The following HPSE2 variants were observed in gnomAD, a reference collection of about 807,000 sequenced individuals.
HPSE2 encodes inactive heparanase-2.
In HPSE2, 38 loss-of-function variants were observed where a neutral mutation model predicts 60.5. That is an observed-to-expected ratio of 0.63 (90% CI 0.48 to 0.82). HPSE2 has a LOEUF of 0.82. Among genes scored for constraint, HPSE2 ranks in the 40% least tolerant of loss-of-function variants. The probability of loss-of-function intolerance (pLI) is 0.00; values close to 1 mark genes in which losing one functional copy is unlikely to be tolerated. For missense variants in HPSE2, 713 were observed against 740.4 expected (o/e 0.96, Z 0.43); for synonymous variants, 295 against 293.2 (o/e 1.01, Z -0.06).
chr10:99,235,895 CCCT>C (rs1849827080), upstream of HPSE2: 1 of 1,023,416 alleles, frequency 9.8e-7, no homozygotes, highest in African/African-American at 1.6e-5. Context: ...CCTTTTTCCC[CCCT>C]TTTTTTCCCT....
At chr10:98,861,137 TTGCTATTCAAAGTGAGTCA>T (rs1952449864) in intron 3 of HPSE2, among the ~76,000 whole-genome samples, 1 of 152,328 alleles carries the variant, frequency 6.6e-6, no homozygotes, top group African/African-American at 2.4e-5. Context: ...TTGGTTTTAT[TTGCTATTCAAAGTGAGTCA>T]TAACCAAGAC....
At chr10:98,922,178 T>C (rs1203792342) in intron 3 of HPSE2, among the ~76,000 whole-genome samples, 5 of 152,256 alleles carry the variant, frequency 3.3e-5, no homozygotes, top group African/African-American at 1.2e-4. Context: ...TAATATTTTA[T>C]ACTGTTTTCA....
intron 4 of HPSE2, among the ~76,000 whole-genome samples, chr10:98,725,253 A>G (rs1413141123): frequency 5.9e-5 from 9 of 152,334 alleles, no homozygotes; most frequent in Admixed American, 1.3e-4. Flanking sequence ...ACTAGGCTAC[A>G]GTAACCAAAA....
the HPSE2 span, among the ~76,000 whole-genome samples, chr10:99,298,577 C>A: frequency 1.3e-5 from 2 of 152,080 alleles, no homozygotes; most frequent in Non-Finnish European, 2.9e-5. Context: ...ACAAATCTGG[C>A]CTAGATATGG....
intron 9 of HPSE2, among the ~76,000 whole-genome samples, chr10:98,614,667 A>G (rs1945853255): frequency 6.6e-6 from 1 of 152,160 alleles, no homozygotes; most frequent in Admixed American, 6.5e-5. Flanking sequence ...CTGCACATAC[A>G]TATGTATGTG....
At chr10:98,542,025 GTCCC>G (rs1564952749) in intron 9 of HPSE2, among the ~76,000 whole-genome samples, 488 of 46,068 alleles carry the variant, frequency 0.011, 2 homozygotes, top group Non-Finnish European at 0.023. Context: ...CCTCAAGTGG[GTCCC>G]TGACCCCTGA....
chr10:98,598,321 GGGT>G (rs1352993571), intron 9 of HPSE2, among the ~76,000 whole-genome samples: 1 of 146,792 alleles, frequency 6.8e-6, no homozygotes, highest in African/African-American at 2.5e-5. Flanking sequence ...CCTGGTGCCT[GGGT>G]CAGGTTAGCA....
At chr10:99,112,384 C>A (rs569556864) in intron 3 of HPSE2, among the ~76,000 whole-genome samples, 1 of 152,100 alleles carries the variant, frequency 6.6e-6, no homozygotes, top group South Asian at 2.1e-4. Context: ...GGACTACAGG[C>A]GCCTGCCACC....
chr10:99,166,793 G>A (rs1847095894), intron 2 of HPSE2, among the ~76,000 whole-genome samples: 1 of 150,172 alleles, frequency 6.7e-6, no homozygotes, highest in Non-Finnish European at 1.5e-5. Flanking sequence ...TTCCTTCCAA[G>A]CCGAGATTGC....
the HPSE2 span, among the ~76,000 whole-genome samples, chr10:99,272,278 A>AAG: frequency 6.6e-6 from 1 of 151,776 alleles, no homozygotes; most frequent in East Asian, 1.9e-4. Context: ...TCAAAAAAAA[A>AAG]AAAAAATCAA....
At chr10:98,912,249 G>T (rs1384156672) in intron 3 of HPSE2, among the ~76,000 whole-genome samples, 1 of 152,158 alleles carries the variant, frequency 6.6e-6, no homozygotes, top group Non-Finnish European at 1.5e-5. Context: ...CCAACACACT[G>T]AATTGCTAAC....
chr10:98,975,630 A>T (rs1370753673), intron 3 of HPSE2, among the ~76,000 whole-genome samples: 3 of 152,212 alleles, frequency 2.0e-5, no homozygotes, highest in Non-Finnish European at 4.4e-5. Flanking sequence ...AAATATAAGC[A>T]TATGTAATTT....
chr10:99,155,604 G>C (rs1846511133), intron 2 of HPSE2, among the ~76,000 whole-genome samples: 1 of 141,334 alleles, frequency 7.1e-6, no homozygotes, highest in Admixed American at 7.3e-5. Flanking sequence ...ATTCAAAGCA[G>C]TGTGTAGAGG....
rs76356677 is a variant in HPSE2, at chr10:98,879,114, A to G, written c.611-135058T>C. On this transcript the variant is annotated intron_variant, in intron 3 of 11. Coordinates refer to ENST00000370552, the MANE Select transcript of HPSE2 (RefSeq NM_021828.5). Reference sequence around the variant, plus strand: ...ACTTGACATGCCTGTGAAATATCCTAGTGGAGCTGTCAATGTGGTGAATAC... The same window carrying G: ...ACTTGACATGCCTGTGAAATATCCTGGTGGAGCTGTCAATGTGGTGAATAC... 3.5e-4 allele frequency among the ~76,000 whole-genome samples: 54 copies of G among 152,154 alleles called. No individual in the cohort carries two copies. The East Asian group carries it at 0.01, about 28-fold the overall frequency.
At chr10:99,138,877 A>G (rs1307407131) in intron 3 of HPSE2, among the ~76,000 whole-genome samples, 1 of 152,172 alleles carries the variant, frequency 6.6e-6, no homozygotes, top group Non-Finnish European at 1.5e-5. Flanking sequence ...TGTACCCCAG[A>G]AATTAATCAT....
intron 3 of HPSE2, among the ~76,000 whole-genome samples, chr10:98,960,701 C>CTTTTTTTTTTTT: frequency 1.0e-3 from 59 of 57,504 alleles, no homozygotes; most frequent in African/African-American, 1.6e-3. Flanking sequence ...ATGTACATTT[C>CTTTTTTTTTTTT]TTTTTTTTTT....
intron 3 of HPSE2, among the ~76,000 whole-genome samples, chr10:98,849,748 C>T (rs1045339592): frequency 2.0e-5 from 3 of 151,992 alleles, no homozygotes; most frequent in African/African-American, 7.2e-5. Flanking sequence ...ATTTAAGCTC[C>T]TCGATTTTTT....
chr10:99,293,792 T>C, the HPSE2 span, among the ~76,000 whole-genome samples: 3 of 152,212 alleles, frequency 2.0e-5, no homozygotes, highest in Non-Finnish European at 4.4e-5. Context: ...GCCCAGATTA[T>C]AGTCAATTAC....
chr10:99,073,390 C>T (rs1842860054), intron 3 of HPSE2, among the ~76,000 whole-genome samples: 1 of 152,086 alleles, frequency 6.6e-6, no homozygotes, highest in Non-Finnish European at 1.5e-5. Context: ...AAACCAAGCA[C>T]CACATGTTCT....
Sources: gnomAD v4.1 joint callset for allele counts (sites outside exome capture counted in the v4.1 genomes callset) on GRCh38, gnomAD v4.1.1 for gene constraint, MANE v1.5 for transcripts, NCBI Gene and HGNC (gene_info 2026-07-23, HGNC 2026-07-21) for gene names.